The following HECW1 variants were observed in gnomAD, a reference collection of about 807,000 sequenced individuals.
HECW1 encodes E3 ubiquitin-protein ligase HECW1.
Under a neutral mutation model 182.3 loss-of-function variants are expected in HECW1, and 61 were observed. That is an observed-to-expected ratio of 0.33 (90% CI 0.27 to 0.41). HECW1 has a LOEUF of 0.41. Among genes scored for constraint, HECW1 ranks in the 10% least tolerant of loss-of-function variants. The probability of loss-of-function intolerance (pLI) is 1.00; values close to 1 mark genes in which losing one functional copy is unlikely to be tolerated. For missense variants in HECW1, 1,739 were observed against 2,108.9 expected (o/e 0.82, Z 3.44); for synonymous variants, 859 against 832.6 (o/e 1.03, Z -0.55).
At chr7:43,220,339 C>T (rs191756936) in intron 2 of HECW1, among the ~76,000 whole-genome samples, 1 of 152,268 alleles carries the variant, frequency 6.6e-6, no homozygotes. Flanking sequence ...AGAGTATTGC[C>T]AGTAGAGACA....
intron 2 of HECW1, among the ~76,000 whole-genome samples, chr7:43,193,946 C>G (rs532772840): frequency 6.6e-6 from 1 of 152,232 alleles, no homozygotes; most frequent in African/African-American, 2.4e-5. Flanking sequence ...CAAAATATGT[C>G]AAAAAAGATA....
At chr7:43,293,863 G>A (rs937025527) in intron 3 of HECW1, among the ~76,000 whole-genome samples, 1 of 152,052 alleles carries the variant, frequency 6.6e-6, no homozygotes, top group Non-Finnish European at 1.5e-5. Flanking sequence ...GCAAGCAAGC[G>A]TTACCACCTG....
chr7:43,539,179 T>A lies in HECW1; in HGVS notation c.4020-1984T>A, dbSNP rs987446145. On this transcript the variant is annotated intron_variant, in intron 24 of 29. Coordinates refer to ENST00000395891, the MANE Select transcript of HECW1 (RefSeq NM_015052.5). Reference sequence around the variant, plus strand: ...AACTAGTAGGTTCAATTCTCTTGTGTTAATTTAGGATTTATGTACAAGTGC... The same window carrying A: ...AACTAGTAGGTTCAATTCTCTTGTGATAATTTAGGATTTATGTACAAGTGC... 1.1e-4 allele frequency among the ~76,000 whole-genome samples: 17 copies of A among 152,228 alleles called. 1 individual carries two copies. Among genetic ancestry groups the A allele is most frequent in the African/African-American group, 3.6e-4 (15 of 41,446 alleles).
intron 16 of HECW1, among the ~76,000 whole-genome samples, chr7:43,472,300 C>A (rs1280864064): frequency 6.6e-6 from 1 of 152,230 alleles, no homozygotes. Flanking sequence ...TCCTAACCAT[C>A]CAAGTTAATA....
chr7:43,299,696 A>T (rs1806490226), intron 3 of HECW1, among the ~76,000 whole-genome samples: 1 of 152,240 alleles, frequency 6.6e-6, no homozygotes, highest in Admixed American at 6.5e-5. Context: ...TTAAGAAATC[A>T]TAGTAGCTAA....
chr7:43,430,965 A>C (rs2076531057), intron 8 of HECW1, among the ~76,000 whole-genome samples: 1 of 151,888 alleles, frequency 6.6e-6, no homozygotes, highest in Non-Finnish European at 1.5e-5. Context: ...TATTTTTAGT[A>C]GAGAGGGGGT....
intron 2 of HECW1, among the ~76,000 whole-genome samples, chr7:43,175,264 C>T (rs1792111954): frequency 6.6e-6 from 1 of 152,238 alleles, no homozygotes; most frequent in African/African-American, 2.4e-5. Context: ...ATTTTCTTGT[C>T]ATGAGAACAT....
intron 3 of HECW1, among the ~76,000 whole-genome samples, chr7:43,265,868 T>C (rs755981717): frequency 2.0e-5 from 3 of 152,128 alleles, no homozygotes; most frequent in Non-Finnish European, 4.4e-5. Flanking sequence ...GAATGACTTA[T>C]AAAACACAGG....
At chr7:43,530,715 C>A (rs545551070) in intron 24 of HECW1, among the ~76,000 whole-genome samples, 1 of 152,264 alleles carries the variant, frequency 6.6e-6, no homozygotes, top group African/African-American at 2.4e-5. Context: ...GATCCTCCTC[C>A]AAGTTAATAA....
chr7:43,482,662 T>C (rs2078480683), intron 17 of HECW1, among the ~76,000 whole-genome samples: 1 of 152,102 alleles, frequency 6.6e-6, no homozygotes, highest in African/African-American at 2.4e-5. Flanking sequence ...TGAAAACACT[T>C]TGGGAAGCTG....
intron 2 of HECW1, among the ~76,000 whole-genome samples, chr7:43,196,542 C>T (rs767568191): frequency 1.6e-4 from 25 of 152,154 alleles, no homozygotes; most frequent in Non-Finnish European, 2.8e-4. Flanking sequence ...CCACAGGTCC[C>T]GGCTCTCAGA....
rs181975086 is a variant in HECW1 at position 43,349,501 on chromosome 7, A to T, written c.461-11385A>T. Among the ~76,000 whole-genome samples, 793 of 152,266 alleles carry T rather than the reference A, an allele frequency of 5.2e-3. 3 individuals are homozygous for T. Among genetic ancestry groups the T allele is most frequent in the Non-Finnish European group, 8.3e-3 (566 of 68,014 alleles). On this transcript the variant is annotated intron_variant, in intron 5 of 29. Coordinates refer to ENST00000395891, the MANE Select transcript of HECW1 (RefSeq NM_015052.5). ...TATGTTGCTGTCTATATCATTTCTT[A>T]GGTCTATTAGTAATTGTTTTATAAA...
chr7:43,232,595 GC>G (rs1797982710), intron 2 of HECW1, among the ~76,000 whole-genome samples: 1 of 152,190 alleles, frequency 6.6e-6, no homozygotes, highest in Admixed American at 6.5e-5. Context: ...TGAAGGCATA[GC>G]CCAATCTAGA....
chr7:43,516,702 G>A (rs2080168280), intron 24 of HECW1, among the ~76,000 whole-genome samples: 1 of 152,162 alleles, frequency 6.6e-6, no homozygotes, highest in African/African-American at 2.4e-5. Context: ...TAACGACAGG[G>A]ATACCTCTGA....
intron 2 of HECW1, among the ~76,000 whole-genome samples, chr7:43,178,734 G>A (rs1792509164): frequency 6.6e-6 from 1 of 152,236 alleles, no homozygotes; most frequent in South Asian, 2.1e-4. Context: ...GCTAGAGGTT[G>A]GGCAGCAAGG....
At chr7:43,426,005 T>C (rs1436040332) in intron 8 of HECW1, among the ~76,000 whole-genome samples, 1 of 152,130 alleles carries the variant, frequency 6.6e-6, no homozygotes, top group African/African-American at 2.4e-5. Context: ...CCTCAACTTT[T>C]CTCTGCAAGG....
At chr7:43,487,609 A>G (rs2078695130) in intron 17 of HECW1, among the ~76,000 whole-genome samples, 2 of 152,156 alleles carry the variant, frequency 1.3e-5, no homozygotes, top group Non-Finnish European at 2.9e-5. Flanking sequence ...AATTAGAGTC[A>G]TGTCATTTTG....
chr7:43,446,154 T>TTTGTTG lies in HECW1; in HGVS notation c.2398+603_2398+608dup, dbSNP rs57196739. 5.6e-4 allele frequency among the ~76,000 whole-genome samples: 85 copies of TTTGTTG among 151,832 alleles called. 1 individual carries two copies. The highest frequency in any genetic ancestry group is 1.5e-3 in the South Asian group (7 of 4,798). ...TTCTTGTTATTACTGTTGGTTTTGT[T>TTTGTTG]TTGTTGTTGTTGTTGTTGTTGTTGG... On this transcript the variant is annotated intron_variant, in intron 11 of 29. Coordinates refer to ENST00000395891, the MANE Select transcript of HECW1 (RefSeq NM_015052.5).
intron 2 of HECW1, among the ~76,000 whole-genome samples, chr7:43,142,849 G>A (rs930530698): frequency 5.3e-5 from 8 of 151,986 alleles, no homozygotes; most frequent in Non-Finnish European, 8.8e-5. Flanking sequence ...GGAGCACAGG[G>A]TGTAAAATCG....
Sources: gnomAD v4.1 joint callset for allele counts (sites outside exome capture counted in the v4.1 genomes callset) on GRCh38, gnomAD v4.1.1 for gene constraint, MANE v1.5 for transcripts, NCBI Gene and HGNC (gene_info 2026-07-23, HGNC 2026-07-21) for gene names.